Variants in TMEM132B observed in about 807,000 individuals in gnomAD.
The protein encoded by TMEM132B is transmembrane protein 132B.
TMEM132B carries 18 observed loss-of-function variants against 90.8 expected under a neutral mutation model. The observed-to-expected ratio is 0.20, with a 90% CI of 0.14 to 0.29. The LOEUF is 0.29. Ranked by LOEUF, TMEM132B falls within the 10% of genes least tolerant of loss-of-function variation. The probability of loss-of-function intolerance (pLI) is 1.00; values close to 1 mark genes in which losing one functional copy is unlikely to be tolerated. For synonymous variants in TMEM132B, 504 were observed against 523.3 expected, an observed-to-expected ratio of 0.96 and a Z score of 0.50; for missense variants, 1,096 against 1,326.8, an observed-to-expected ratio of 0.83 and a Z score of 2.70.
chr12:125,364,566 T>A (rs1264543172), intron 2 of TMEM132B, among the ~76,000 whole-genome samples: 1 of 152,120 alleles, frequency 6.6e-6, no homozygotes, highest in African/African-American at 2.4e-5. Flanking sequence ...TTGACTGGAA[T>A]TACATTGACT....
At position 125,277,913 on chromosome 12, in the gene TMEM132B, C is replaced by G. The variant is rs1368015394; in HGVS notation, c.68-71539C>G. On this transcript the variant is annotated intron_variant, in intron 1 of 8. Coordinates refer to ENST00000682704, the MANE Select transcript of TMEM132B (RefSeq NM_001366854.1). This position sits in a 1 kb window ranked among gnomAD's most constrained non-coding sequence, Gnocchi z 4.3. Reference sequence around the variant, plus strand: ...TCTATTCACAGAGGGCCAGCATTCTCCGATGGGAAAAGTCTGGAACTCTGC... The same window carrying G: ...TCTATTCACAGAGGGCCAGCATTCTGCGATGGGAAAAGTCTGGAACTCTGC... 6.6e-6 allele frequency among the ~76,000 whole-genome samples: 1 copy of G among 152,188 alleles called. No individual in the cohort carries two copies. The highest frequency in any genetic ancestry group is 2.4e-5 in the African/African-American group (1 of 41,460).
intron 3 of TMEM132B, among the ~76,000 whole-genome samples, chr12:125,419,514 A>G (rs1190850926): frequency 1.3e-5 from 2 of 152,226 alleles, no homozygotes; most frequent in Non-Finnish European, 2.9e-5. Context: ...AGCATGAGAA[A>G]GACCCACCCC....
At chr12:125,447,696 A>G (rs987129140) in intron 3 of TMEM132B, among the ~76,000 whole-genome samples, 19 of 152,040 alleles carry the variant, frequency 1.2e-4, no homozygotes, top group African/African-American at 4.6e-4. Context: ...CTACAGGTAA[A>G]TGGTGTCAGT....
chr12:125,337,744 CCT>C (rs1433582181), intron 1 of TMEM132B, among the ~76,000 whole-genome samples: 2 of 152,170 alleles, frequency 1.3e-5, no homozygotes, highest in Non-Finnish European at 2.9e-5. Context: ...GCTATTTTCC[CCT>C]GTTTGGCTAG....
At chr12:125,270,523 G>T (rs534750108) in intron 1 of TMEM132B, among the ~76,000 whole-genome samples, 2 of 152,194 alleles carry the variant, frequency 1.3e-5, no homozygotes, top group South Asian at 4.1e-4. Context: ...CTGGGAAGAG[G>T]AAACAGGAGA....
In TMEM132B at chr12:125,388,302, G is replaced by A. The variant is rs531234348; in HGVS notation, c.960-27229G>A. Among the ~76,000 whole-genome samples, 16 of 152,174 alleles carry A rather than the reference G, an allele frequency of 1.1e-4. No individual in the cohort carries two copies. The East Asian group carries it at 2.3e-3, about 22-fold the overall frequency. ...AAAGTAGCTGGGCGTGGTGGTGCAC[G>A]TCTGTAATCCCAGCTACTTGGGAGG... On this transcript the variant is annotated intron_variant, in intron 2 of 8. Transcript: ENST00000682704.
chr12:125,316,018 C>T (rs1876261190), intron 1 of TMEM132B, among the ~76,000 whole-genome samples: 1 of 152,156 alleles, frequency 6.6e-6, no homozygotes, highest in African/African-American at 2.4e-5. Flanking sequence ...CACAGGTGGT[C>T]TTAGAGTAGC....
intron 1 of TMEM132B, among the ~76,000 whole-genome samples, chr12:125,297,706 G>C (rs142623401): frequency 6.6e-6 from 1 of 152,276 alleles, no homozygotes; most frequent in East Asian, 1.9e-4. Context: ...GCAGACTGCT[G>C]GTGCTCTAGA....
chr12:125,637,988 A>G (rs1230758724), intron 5 of TMEM132B, among the ~76,000 whole-genome samples: 1 of 152,208 alleles, frequency 6.6e-6, no homozygotes, highest in Non-Finnish European at 1.5e-5. Flanking sequence ...GATACACTGT[A>G]TTCCACATAA....
rs76384886 is a variant in TMEM132B, at chr12:125,197,529, T to A, written c.67+10663T>A. Among the ~76,000 whole-genome samples, 1,511 of 152,332 alleles carry A rather than the reference T, an allele frequency of 9.9e-3. 32 individuals carry two copies. Among genetic ancestry groups the A allele is most frequent in the African/African-American group, 0.035 (1,436 of 41,570 alleles). ...CCTCTACTTGTTTTTTAAATAAAGT[T>A]TTATTGGAACACAGCGGTGCCTATT... On this transcript the variant is annotated intron_variant, in intron 1 of 8. Transcript: ENST00000682704.
intron 2 of TMEM132B, among the ~76,000 whole-genome samples, chr12:125,373,651 G>C (rs930673027): frequency 5.3e-5 from 8 of 152,122 alleles, no homozygotes; most frequent in Non-Finnish European, 1.0e-4. Context: ...CCCTGCAATG[G>C]AAAGTAATAA....
At chr12:125,512,836 T>G (rs747287120) in intron 3 of TMEM132B, among the ~76,000 whole-genome samples, 5 of 152,118 alleles carry the variant, frequency 3.3e-5, no homozygotes, top group Non-Finnish European at 7.4e-5. Context: ...GAGCCAGCCA[T>G]TAGATCCTGA....
chr12:125,423,858 A>C (rs544609399), intron 3 of TMEM132B, among the ~76,000 whole-genome samples: 6 of 152,328 alleles, frequency 3.9e-5, no homozygotes, highest in Non-Finnish European at 8.8e-5. Context: ...TGTACTAATA[A>C]AGAATAAATA....
At chr12:125,417,970 G>A (rs1273160639) in intron 3 of TMEM132B, among the ~76,000 whole-genome samples, 1 of 152,186 alleles carries the variant, frequency 6.6e-6, no homozygotes, top group Non-Finnish European at 1.5e-5. Flanking sequence ...TTGTTGGTGG[G>A]CAGCAGATGC....
intron 1 of TMEM132B, among the ~76,000 whole-genome samples, chr12:125,239,333 C>T (rs1874011279): frequency 6.6e-6 from 1 of 152,094 alleles, no homozygotes; most frequent in Admixed American, 6.6e-5. Context: ...GAATTATAGT[C>T]ATAGTCAGGA....
intron 2 of TMEM132B, among the ~76,000 whole-genome samples, chr12:125,379,019 C>A (rs150537955): frequency 2.8e-4 from 43 of 152,256 alleles, no homozygotes; most frequent in Non-Finnish European, 5.1e-4. Context: ...ACTGCCTTGC[C>A]TGTCTTGGGA....
At chr12:125,348,182 G>T (rs142753547) in intron 1 of TMEM132B, among the ~76,000 whole-genome samples, 55 of 151,266 alleles carry the variant, frequency 3.6e-4, no homozygotes, top group African/African-American at 1.2e-3. Context: ...TAGCTCTACC[G>T]CATTTTAAGA....
At chr12:125,544,734 G>A (rs1452170169) in intron 4 of TMEM132B, among the ~76,000 whole-genome samples, 2 of 152,228 alleles carry the variant, frequency 1.3e-5, no homozygotes, top group African/African-American at 2.4e-5. Flanking sequence ...AGTAAAGTGA[G>A]CGAAGGGGAG....
chr12:125,298,428 C>T (rs1228058221), intron 1 of TMEM132B, among the ~76,000 whole-genome samples: 2 of 150,292 alleles, frequency 1.3e-5, no homozygotes, highest in Non-Finnish European at 3.0e-5. Flanking sequence ...AATCCCAGCA[C>T]TTTGGGAGGC....
Sources: gnomAD v4.1 joint callset for allele counts (sites outside exome capture counted in the v4.1 genomes callset) on GRCh38, gnomAD v4.1.1 for gene constraint, Gnocchi (gnomAD v3.1) non-coding constraint, MANE v1.5 for transcripts, NCBI Gene and HGNC (gene_info 2026-07-23, HGNC 2026-07-21) for gene names.